The following CSMD1 variants were observed in gnomAD, a reference collection of about 807,000 sequenced individuals.
CSMD1 encodes CUB and sushi domain-containing protein 1.
In CSMD1, 213 loss-of-function variants were observed where a neutral mutation model predicts 417.5. The ratio of observed to expected loss-of-function variants is 0.51; its 90% CI spans 0.46 to 0.57. The LOEUF is 0.57. CSMD1 is among the 20% of genes least tolerant of loss of function. The pLI, the probability that CSMD1 is intolerant of heterozygous loss-of-function variation, is 0.00. For missense variants in CSMD1, 6,923 were observed against 4,529.7 expected, an observed-to-expected ratio of 1.53 and a Z score of -15.17; for synonymous variants, 2,862 against 1,736.8, an observed-to-expected ratio of 1.65 and a Z score of -16.11.
chr8:3,486,905 T>G (rs1479611839), intron 11 of CSMD1, among the ~76,000 whole-genome samples: 1 of 152,192 alleles, frequency 6.6e-6, no homozygotes, highest in Non-Finnish European at 1.5e-5. Flanking sequence ...TCCAGAGAGA[T>G]CTGGCAATGT....
chr8:3,917,242 C>G (rs1350518193), intron 5 of CSMD1, among the ~76,000 whole-genome samples: 1 of 152,102 alleles, frequency 6.6e-6, no homozygotes, highest in Non-Finnish European at 1.5e-5. Flanking sequence ...GAAATGCAAC[C>G]CTATGAGATG....
At chr8:4,757,878 G>C (rs892624939) in intron 1 of CSMD1, among the ~76,000 whole-genome samples, 1 of 147,794 alleles carries the variant, frequency 6.8e-6, no homozygotes, top group Non-Finnish European at 1.5e-5. Context: ...AGAATCGCTT[G>C]AACCTGGGAG....
At chr8:3,171,247 G>A (rs759203009) in intron 37 of CSMD1, among the ~76,000 whole-genome samples, 1 of 152,158 alleles carries the variant, frequency 6.6e-6, no homozygotes, top group Admixed American at 6.6e-5. Flanking sequence ...AGAAGCACTG[G>A]GAAAGAAAGC....
At chr8:3,598,360 T>G (rs1387721060) in intron 8 of CSMD1, 7 of 152,192 alleles carry the variant, frequency 4.6e-5, no homozygotes, top group African/African-American at 1.7e-4. Flanking sequence ...TTTAACTTCT[T>G]GTCATTTAGA....
intron 52 of CSMD1, among the ~76,000 whole-genome samples, chr8:3,008,146 A>G (rs1417587745): frequency 6.6e-6 from 1 of 152,212 alleles, no homozygotes; most frequent in Non-Finnish European, 1.5e-5. Context: ...CATAGCAAAG[A>G]AATAGAGTAT....
chr8:3,158,622 TTCCAG>T (rs1819684484), intron 38 of CSMD1, among the ~76,000 whole-genome samples: 2 of 151,850 alleles, frequency 1.3e-5, no homozygotes, highest in Admixed American at 1.3e-4. Flanking sequence ...AAAAAATCTG[TTCCAG>T]TCTTTCTCAA....
At chr8:4,992,499 T>C (rs1441174315) in intron 1 of CSMD1, among the ~76,000 whole-genome samples, 2 of 152,154 alleles carry the variant, frequency 1.3e-5, no homozygotes, top group Non-Finnish European at 2.9e-5. Context: ...GCGGGAAGTT[T>C]TGCGGAGTTG....
At chr8:3,910,795 T>C (rs1039492259) in intron 5 of CSMD1, among the ~76,000 whole-genome samples, 6 of 152,210 alleles carry the variant, frequency 3.9e-5, no homozygotes, top group Non-Finnish European at 8.8e-5. Context: ...TTATTACAAA[T>C]ATAACTTGTT....
intron 49 of CSMD1, among the ~76,000 whole-genome samples, chr8:3,078,453 A>T (rs917753806): frequency 1.3e-5 from 2 of 152,202 alleles, no homozygotes; most frequent in African/African-American, 4.8e-5. Context: ...AATGCCTGAC[A>T]TATAATTTGC....
At chr8:3,374,773 A>G (rs1233343514) in intron 18 of CSMD1, among the ~76,000 whole-genome samples, 1 of 152,130 alleles carries the variant, frequency 6.6e-6, no homozygotes, top group Non-Finnish European at 1.5e-5. Flanking sequence ...ACTGATGTTC[A>G]TGGCAAAGCA....
chr8:3,021,365 T>C (rs1228944178), intron 51 of CSMD1, among the ~76,000 whole-genome samples: 1 of 152,188 alleles, frequency 6.6e-6, no homozygotes, highest in African/African-American at 2.4e-5. Context: ...AATGCATTAA[T>C]AAAGATAGCA....
At chr8:3,777,235 C>T (rs143736668) in intron 5 of CSMD1, among the ~76,000 whole-genome samples, 33 of 152,044 alleles carry the variant, frequency 2.2e-4, no homozygotes, top group African/African-American at 8.0e-4. Flanking sequence ...AGAACATGAG[C>T]TCCTTAAGGG....
chr8:3,461,962 G>A (rs541644425), intron 12 of CSMD1, among the ~76,000 whole-genome samples: 2 of 152,218 alleles, frequency 1.3e-5, no homozygotes, highest in African/African-American at 4.8e-5. Context: ...CCGGACAGGA[G>A]GGTGGCGGTG....
chr8:3,237,354 C>G (rs1275902366), intron 26 of CSMD1, among the ~76,000 whole-genome samples: 1 of 151,534 alleles, frequency 6.6e-6, no homozygotes, highest in Non-Finnish European at 1.5e-5. Flanking sequence ...GTAATCTCAG[C>G]TACTCGGGAG....
At chr8:3,068,728 T>C (rs1368116653) in intron 49 of CSMD1, among the ~76,000 whole-genome samples, 1 of 152,040 alleles carries the variant, frequency 6.6e-6, no homozygotes, top group African/African-American at 2.4e-5. Flanking sequence ...CCACACACTT[T>C]TAACTGAACA....
At chr8:4,726,828 C>T (rs1471852725) in intron 1 of CSMD1, among the ~76,000 whole-genome samples, 5 of 151,958 alleles carry the variant, frequency 3.3e-5, no homozygotes, top group African/African-American at 4.8e-5. Context: ...ATATAATTGA[C>T]CTGAAGATGC....
At chr8:3,633,671 A>G (rs903776891) in intron 7 of CSMD1, among the ~76,000 whole-genome samples, 2 of 152,358 alleles carry the variant, frequency 1.3e-5, no homozygotes, top group South Asian at 2.1e-4. Context: ...AGACATGAAA[A>G]TAGTGTATAT....
intron 8 of CSMD1, among the ~76,000 whole-genome samples, chr8:3,609,086 T>C (rs568626301): frequency 9.2e-5 from 14 of 152,322 alleles, no homozygotes; most frequent in African/African-American, 3.1e-4. Context: ...CCAAGGTCAA[T>C]AGAAGCTTTG....
intron 3 of CSMD1, among the ~76,000 whole-genome samples, chr8:4,040,286 A>G (rs917385784): frequency 1.3e-5 from 2 of 152,216 alleles, no homozygotes; most frequent in African/African-American, 2.4e-5. Flanking sequence ...AACACACACT[A>G]TGTGCTAGAC....
Sources: allele counts gnomAD v4.1 joint callset (sites outside exome capture counted in the v4.1 genomes callset), GRCh38; gene constraint gnomAD v4.1.1; transcripts MANE v1.5; gene names NCBI Gene and HGNC (gene_info 2026-07-23, HGNC 2026-07-21).